Variants in NELL2 observed in about 807,000 individuals in gnomAD.
NELL2 encodes the protein protein kinase C-binding protein NELL2.
NELL2 carries 41 observed loss-of-function variants against 109.6 expected under a neutral mutation model. That is an observed-to-expected ratio of 0.37 (90% CI 0.29 to 0.49). The LOEUF is 0.49. Among genes scored for constraint, NELL2 ranks in the 20% least tolerant of loss-of-function variants. The pLI is 0.98. For synonymous variants in NELL2, 355 were observed against 344.7 expected (o/e 1.03, Z -0.33); for missense variants, 900 against 1,008.3 (o/e 0.89, Z 1.45).
intron 9 of NELL2, among the ~76,000 whole-genome samples, chr12:44,742,500 A>C (rs1384008970): frequency 6.6e-6 from 1 of 152,218 alleles, no homozygotes; most frequent in African/African-American, 2.4e-5. Flanking sequence ...TCAGACGATC[A>C]AACTACTCTG....
At position 44,508,978 on chromosome 12, in the gene NELL2, G is replaced by A. The variant is rs199836199; in HGVS notation, c.2407C>T (p.His803Tyr). 1.3e-4 allele frequency: 217 copies of A among 1,611,656 alleles called. No homozygotes were observed. The highest frequency in any genetic ancestry group is 1.6e-4 in the Non-Finnish European group (188 of 1,178,672). The change falls in exon 20 of 20, where the codon CAC becomes TAC. Residue 803 changes from histidine (H) to tyrosine (Y), a missense_variant. This residue lies in a region of NELL2 where 333 missense variants were observed against 432.3 expected (regional missense o/e 0.77). Transcript: ENST00000429094. The stretch of plus-strand genomic sequence containing the variant: ...TGTGGATCCACTGAGCAACAGATGT[G>A]GCCATTCTAGATTTAAAAAAAGTAG... ...ECTLCQCKNG[H>Y]ICCSVDPQCL... is the part of the protein sequence containing the mutation.
intron 2 of NELL2, among the ~76,000 whole-genome samples, chr12:44,867,956 C>A (rs546424300): frequency 4.1e-4 from 62 of 151,902 alleles, no homozygotes; most frequent in Middle Eastern, 3.4e-3. Flanking sequence ...CCTGTCTCTA[C>A]TAAAAATACA....
intron 2 of NELL2, among the ~76,000 whole-genome samples, chr12:44,823,696 A>G (rs913920864): frequency 2.0e-5 from 3 of 152,234 alleles, no homozygotes; most frequent in African/African-American, 7.2e-5. Flanking sequence ...GCTGCTATGA[A>G]CATGGGAGTA....
At chr12:44,686,495 T>G (rs371851146) in intron 12 of NELL2, among the ~76,000 whole-genome samples, 404 of 151,996 alleles carry the variant, frequency 2.7e-3, no homozygotes, top group Middle Eastern at 6.8e-3. Context: ...GGCGCTCTGC[T>G]TTTTAGAGTT....
intron 13 of NELL2, among the ~76,000 whole-genome samples, chr12:44,632,308 C>T (rs1448360210): frequency 6.6e-6 from 1 of 151,998 alleles, no homozygotes; most frequent in South Asian, 2.1e-4. Flanking sequence ...ACTGGTGGAT[C>T]TAGCCAGCAC....
At chr12:44,804,666 C>T (rs1942941676) in intron 3 of NELL2, among the ~76,000 whole-genome samples, 1 of 151,826 alleles carries the variant, frequency 6.6e-6, no homozygotes, top group African/African-American at 2.4e-5. Flanking sequence ...TGTGAAGTTT[C>T]ACATTGACAT....
At chr12:44,833,001 T>C (rs1943933375) in intron 2 of NELL2, among the ~76,000 whole-genome samples, 1 of 152,184 alleles carries the variant, frequency 6.6e-6, no homozygotes, top group Non-Finnish European at 1.5e-5. Flanking sequence ...GAGAAAATAA[T>C]TACTAACTGA....
At chr12:44,892,797 C>CAAAAAA (rs57230571) in intron 1 of NELL2, among the ~76,000 whole-genome samples, 3 of 57,740 alleles carry the variant, frequency 5.2e-5, no homozygotes, top group Non-Finnish European at 7.1e-5. Flanking sequence ...GACTCTGTCT[C>CAAAAAA]AAAAAAAAAA....
At chr12:44,796,175 A>C (rs1266035764) in intron 3 of NELL2, among the ~76,000 whole-genome samples, 1 of 152,162 alleles carries the variant, frequency 6.6e-6, no homozygotes, top group Non-Finnish European at 1.5e-5. Flanking sequence ...CACAATTCTT[A>C]GTAAAGAGTA....
intron 15 of NELL2, among the ~76,000 whole-genome samples, chr12:44,583,298 A>G (rs1475663385): frequency 6.6e-6 from 1 of 152,172 alleles, no homozygotes; most frequent in African/African-American, 2.4e-5. Flanking sequence ...TTCCCTAACC[A>G]CTAATGTTCA....
intron 15 of NELL2, among the ~76,000 whole-genome samples, chr12:44,589,614 C>T (rs1279274836): frequency 1.3e-5 from 2 of 152,110 alleles, no homozygotes; most frequent in Non-Finnish European, 2.9e-5. Context: ...CTCTTAACCT[C>T]GTGATCCGCC....
At chr12:44,665,831 T>C (rs958315947) in intron 12 of NELL2, among the ~76,000 whole-genome samples, 3 of 152,224 alleles carry the variant, frequency 2.0e-5, no homozygotes, top group African/African-American at 7.2e-5. Context: ...TCTGTCTATT[T>C]TAACTTCCAT....
chr12:44,633,593 C>T (rs7957292), intron 13 of NELL2, among the ~76,000 whole-genome samples: 11,721 of 152,092 alleles, frequency 0.077, 545 homozygotes, highest in Non-Finnish European at 0.1. Flanking sequence ...ACAAATCACA[C>T]GAAATATGTA....
intron 9 of NELL2, among the ~76,000 whole-genome samples, chr12:44,740,803 G>A (rs73285452): frequency 0.054 from 8,143 of 152,130 alleles, 688 homozygotes; most frequent in African/African-American, 0.18. Context: ...TTTAGAAAGA[G>A]GCAGGGTAGG....
At chr12:44,610,741 T>C (rs1945588053) in intron 14 of NELL2, 107 bp downstream of exon 14, 1 of 1,473,296 alleles carries the variant, frequency 6.8e-7, no homozygotes. Context: ...TTGATGTCTG[T>C]AGGAAGTACC....
chr12:44,792,051 T>C (rs1030978583), intron 3 of NELL2, among the ~76,000 whole-genome samples: 11 of 152,036 alleles, frequency 7.2e-5, no homozygotes, highest in Admixed American at 2.0e-4. Flanking sequence ...GAGTGGTGTC[T>C]CAAAAGCCTC....
At chr12:44,842,711 A>G (rs560749313) in intron 2 of NELL2, among the ~76,000 whole-genome samples, 2 of 152,266 alleles carry the variant, frequency 1.3e-5, no homozygotes, top group South Asian at 4.2e-4. Flanking sequence ...TCAGAATGTG[A>G]CCTTATTTGC....
At chr12:44,727,833 C>T in intron 9 of NELL2, among the ~76,000 whole-genome samples, 2 of 152,048 alleles carry the variant, frequency 1.3e-5, no homozygotes, top group East Asian at 3.8e-4. Context: ...AATTAACCTT[C>T]TCACAATAAC....
chr12:44,793,881 G>A (rs147342947), intron 3 of NELL2, among the ~76,000 whole-genome samples: 2,198 of 152,102 alleles, frequency 0.014, 52 homozygotes, highest in African/African-American at 0.05. Context: ...GCACAAAATC[G>A]TATGAATACA....
Sources: allele counts gnomAD v4.1 joint callset (sites outside exome capture counted in the v4.1 genomes callset), GRCh38; gene constraint gnomAD v4.1.1; regional missense constraint gnomAD v4.1.1; transcripts MANE v1.5; gene names NCBI Gene and HGNC (gene_info 2026-07-23, HGNC 2026-07-21).